The following PTGFRN variants were observed in gnomAD, a reference collection of about 807,000 sequenced individuals.
PTGFRN encodes the protein prostaglandin F2 receptor inhibitor.
PTGFRN carries 35 observed loss-of-function variants against 83.2 expected under a neutral mutation model. That is an observed-to-expected ratio of 0.42 (90% CI 0.32 to 0.56). The LOEUF (loss-of-function observed/expected upper bound fraction) is 0.56. Ranked by LOEUF, PTGFRN falls within the 20% of genes least tolerant of loss-of-function variation. The pLI, the probability that PTGFRN is intolerant of heterozygous loss-of-function variation, is 0.11. For missense variants in PTGFRN, 1,051 were observed against 1,179.5 expected (o/e 0.89, Z 1.60); for synonymous variants, 519 against 498.6 (o/e 1.04, Z -0.55).
At chr1:116,938,318 C>T (rs1649974465) in intron 1 of PTGFRN, among the ~76,000 whole-genome samples, 1 of 152,114 alleles carries the variant, frequency 6.6e-6, no homozygotes. Context: ...AAGACATACC[C>T]GAGACTGGGC....
In PTGFRN at chr1:116,964,749, G is replaced by A. The variant is rs560521310; in HGVS notation, c.1640-2162G>A. Among the ~76,000 whole-genome samples, 7 of 152,312 alleles carry A rather than the reference G, an allele frequency of 4.6e-5. No homozygotes were observed. The East Asian group carries it at 1.2e-3, about 25-fold the overall frequency. ...AGGACGCTTCCCATCACATCTGCCAGCTCTCTTCTCCCAGCTTTCTCCAGC... is the reference window on the plus strand; with the variant it reads ...AGGACGCTTCCCATCACATCTGCCAACTCTCTTCTCCCAGCTTTCTCCAGC... On this transcript the variant is annotated intron_variant, in intron 5 of 8. Coordinates refer to ENST00000393203, the MANE Select transcript of PTGFRN (RefSeq NM_020440.4).
In PTGFRN at chr1:116,941,183, A is replaced by G. The variant is rs775042322; in HGVS notation, c.50-532A>G. On this transcript the variant is annotated intron_variant, in intron 1 of 8. Transcript: ENST00000393203. This position sits in a 1 kb window ranked among gnomAD's most constrained non-coding sequence, Gnocchi z 5.0. ...GTAAAATCATCATATTTTAAAATTA[A>G]TTTATAGGCAATGTCAGATAACAGG... Among the ~76,000 whole-genome samples, 1 of 152,226 alleles carries G rather than the reference A, an allele frequency of 6.6e-6. No individual in the cohort carries two copies. The highest frequency in any genetic ancestry group is 1.5e-5 in the Non-Finnish European group (1 of 68,034).
In PTGFRN at chr1:116,968,904, A is replaced by G. The variant is rs904002849; in HGVS notation, c.2059+1574A>G. Among the ~76,000 whole-genome samples, 15 of 152,266 alleles carry G rather than the reference A, an allele frequency of 9.9e-5. No homozygotes were observed. In the East Asian group the frequency reaches 2.7e-3, roughly 27 times the overall value. Reference sequence around the variant, plus strand: ...GTACTTCATTCCTTTTCATGGCTGAATAATATTTCATTGTATGGATATGCC... The same window carrying G: ...GTACTTCATTCCTTTTCATGGCTGAGTAATATTTCATTGTATGGATATGCC... On this transcript the variant is annotated intron_variant, in intron 6 of 8. Transcript: ENST00000393203.
intron 1 of PTGFRN, among the ~76,000 whole-genome samples, chr1:116,932,019 G>C (rs557854539): frequency 1.3e-5 from 2 of 152,318 alleles, no homozygotes; most frequent in Non-Finnish European, 2.9e-5. Flanking sequence ...TGGAAAGTCA[G>C]ATTGTTTGCT....
At position 116,941,422 on chromosome 1, in the gene PTGFRN, T is replaced by C. The variant is rs1015203220; in HGVS notation, c.50-293T>C. Among the ~76,000 whole-genome samples the C allele has an allele frequency of 6.6e-6, 1 of 152,232 alleles. No individual in the cohort carries two copies. Among genetic ancestry groups the C allele is most frequent in the Non-Finnish European group, 1.5e-5 (1 of 68,036 alleles). On this transcript the variant is annotated intron_variant, in intron 1 of 8. Coordinates refer to ENST00000393203, the MANE Select transcript of PTGFRN (RefSeq NM_020440.4). The surrounding 1 kb of genome is among the most constrained non-coding windows in gnomAD (Gnocchi z 5.0). The stretch of plus-strand genomic sequence containing the variant: ...GGAGTGGTTAGGGTGTGTTAAATAG[T>C]AACTGGAGGGAAGAAGCTATTGAGG...
At position 116,988,586 on chromosome 1, in the gene PTGFRN, A is replaced by T. The variant is rs1651592620; in HGVS notation, c.*1619A>T. The T allele has an allele frequency of 6.5e-6, 1 of 152,686 alleles. No homozygotes were observed. The highest frequency in any genetic ancestry group is 1.5e-5 in the Non-Finnish European group (1 of 68,052). The allele number at this position is 152,686 out of a possible 1,614,324, so 9.5% of individuals were successfully genotyped here. A position where few individuals can be genotyped will look rare whatever the true frequency, so the allele number is the denominator to read the frequency against. ...AAAAGATTCATTTGTTTTGAGCAAT[A>T]AACTAATACAAAATGATGGCCATTC... On this transcript the variant is annotated 3_prime_UTR_variant, in exon 9 of 9. Coordinates refer to ENST00000393203, the MANE Select transcript of PTGFRN (RefSeq NM_020440.4).
At chr1:116,932,952 T>A (rs1215940176) in intron 1 of PTGFRN, among the ~76,000 whole-genome samples, 2 of 152,208 alleles carry the variant, frequency 1.3e-5, no homozygotes, top group South Asian at 2.1e-4. Flanking sequence ...TTTCCTCATA[T>A]CTGTGATAGG....
chr1:116,926,122 G>A (rs1649654028), intron 1 of PTGFRN, among the ~76,000 whole-genome samples: 1 of 152,220 alleles, frequency 6.6e-6, no homozygotes, highest in African/African-American at 2.4e-5. Flanking sequence ...GCAGACAGTG[G>A]ATCTAGGGAA....
At chr1:116,949,793 C>A (rs1169996802) in intron 4 of PTGFRN, among the ~76,000 whole-genome samples, 1 of 152,110 alleles carries the variant, frequency 6.6e-6, no homozygotes, top group African/African-American at 2.4e-5. Context: ...GTCTCAATAC[C>A]CTCATTTGAG....
Position 116,909,978 on chromosome 1 carries a change from C to A in PTGFRN, c.-226C>A. On this transcript the variant is annotated 5_prime_UTR_variant, in exon 1 of 9. Coordinates refer to ENST00000393203, the MANE Select transcript of PTGFRN (RefSeq NM_020440.4). The stretch of plus-strand genomic sequence containing the variant: ...CGGATCGGCGGGGCCGGCTCCCGGG[C>A]CCGGCCGGCTGGAGGAGGGAGGGAA... 1 of 570,002 alleles carries A rather than the reference C, an allele frequency of 1.8e-6. No homozygotes were observed. Among genetic ancestry groups the A allele is most frequent in the South Asian group, 2.0e-5 (1 of 49,536 alleles). 35.3% of individuals were successfully genotyped at this position (570,002 alleles called of 1,614,324 possible).
At chr1:116,928,198 G>T (rs925974442) in intron 1 of PTGFRN, among the ~76,000 whole-genome samples, 2 of 152,162 alleles carry the variant, frequency 1.3e-5, no homozygotes, top group East Asian at 1.9e-4. Context: ...GACTTTGTGA[G>T]ATTTAATGGC....
intron 8 of PTGFRN, among the ~76,000 whole-genome samples, chr1:116,985,816 A>C (rs1651460161): frequency 6.6e-6 from 1 of 152,136 alleles, no homozygotes; most frequent in Admixed American, 6.5e-5. Context: ...CACGATGAAC[A>C]CCAGGGTCAA....
At chr1:116,979,646 G>A (rs371794886) in intron 7 of PTGFRN, among the ~76,000 whole-genome samples, 1 of 152,182 alleles carries the variant, frequency 6.6e-6, no homozygotes, top group African/African-American at 2.4e-5. Context: ...AATAAATGGT[G>A]CTGGGAAAAC....
At chr1:116,971,211 C>A (rs1282070843) in intron 6 of PTGFRN, among the ~76,000 whole-genome samples, 1 of 152,154 alleles carries the variant, frequency 6.6e-6, no homozygotes, top group Non-Finnish European at 1.5e-5. Context: ...AAGATCAGCA[C>A]TTTCCATATT....
rs1650167165 is a variant in PTGFRN, at chr1:116,945,211, G to A, written c.832+119G>A. 1.2e-5 allele frequency: 16 copies of A among 1,307,130 alleles called. No homozygotes were observed. In the South Asian group the frequency reaches 2.3e-4, roughly 19 times the overall value. The allele number at this position is 1,307,130 out of a possible 1,614,324, so 81.0% of individuals were successfully genotyped here. A position where few individuals can be genotyped will look rare whatever the true frequency, so the allele number is the denominator to read the frequency against. On this transcript the variant is annotated intron_variant, in intron 3 of 8. Transcript: ENST00000393203. ...CAAGAACTGTTTCTGCTTCCCATGT[G>A]AGGCCTTATTTTTAGGGGTGAAGGG...
intron 5 of PTGFRN, among the ~76,000 whole-genome samples, chr1:116,963,736 C>A (rs578091937): frequency 6.6e-6 from 1 of 150,916 alleles, no homozygotes; most frequent in African/African-American, 2.4e-5. Flanking sequence ...GCCTCCCGAG[C>A]GGTTGGGACT....
rs78111094 is a variant in PTGFRN at position 116,923,281 on chromosome 1, C to T, written c.49+13029C>T. Among the ~76,000 whole-genome samples, 2,631 of 152,248 alleles carry T rather than the reference C, an allele frequency of 0.017. 78 individuals carry two copies. The highest frequency in any genetic ancestry group is 0.06 in the African/African-American group (2,506 of 41,526). On this transcript the variant is annotated intron_variant, in intron 1 of 8. Coordinates refer to ENST00000393203, the MANE Select transcript of PTGFRN (RefSeq NM_020440.4). This position sits in a 1 kb window ranked among gnomAD's most constrained non-coding sequence, Gnocchi z 4.0. ...TAAAATTGTGGACGTTAAGTTATAA[C>T]AGGGGCAGAAGATATCTATGTGTCC...
chr1:116,937,763 C>T (rs1649958110), intron 1 of PTGFRN, among the ~76,000 whole-genome samples: 1 of 152,160 alleles, frequency 6.6e-6, no homozygotes, highest in African/African-American at 2.4e-5. Flanking sequence ...GGAAATTCCT[C>T]TGTAAACCTA....
chr1:116,915,278 G>A (rs1420161312), intron 1 of PTGFRN, among the ~76,000 whole-genome samples: 1 of 152,224 alleles, frequency 6.6e-6, no homozygotes, highest in South Asian at 2.1e-4. Context: ...GAAGGGAAGG[G>A]CAGTGCCAGC....
Sources: gnomAD v4.1 joint callset for allele counts (sites outside exome capture counted in the v4.1 genomes callset) on GRCh38, gnomAD v4.1.1 for gene constraint, Gnocchi (gnomAD v3.1) non-coding constraint, MANE v1.5 for transcripts, NCBI Gene and HGNC (gene_info 2026-07-23, HGNC 2026-07-21) for gene names.